PIK3CB: variants seen among roughly 807,000 people sequenced by gnomAD.
The protein encoded by PIK3CB is phosphatidylinositol-4,5-bisphosphate 3-kinase catalytic subunit beta, also known as phosphatidylinositol 4,5-bisphosphate 3-kinase catalytic subunit beta isoform.
A neutral mutation model predicts 136.8 loss-of-function variants in PIK3CB; 39 were observed. The ratio of observed to expected loss-of-function variants is 0.29; its 90% confidence interval spans 0.22 to 0.37. PIK3CB has a LOEUF of 0.37. Among genes scored for constraint, PIK3CB ranks in the 10% least tolerant of loss-of-function variants. The pLI is 1.00. For synonymous variants in PIK3CB, 428 were observed against 436.6 expected, an observed-to-expected ratio of 0.98 and a Z score of 0.25; for missense variants, 868 against 1,275.4, an observed-to-expected ratio of 0.68 and a Z score of 4.87.
chr3:138,691,089 C>T lies in PIK3CB; in HGVS notation c.1947G>A (p.Glu649=). 1.2e-6 allele frequency: 2 copies of T among 1,612,556 alleles called. No homozygotes were observed. The highest frequency in any genetic ancestry group is 8.5e-7 in the Non-Finnish European group (1 of 1,178,674). Residue 649 remains glutamate, a synonymous_variant, in exon 15 of 24, where the codon GAG becomes GAA. Coordinates refer to ENST00000674063, the MANE Select transcript of PIK3CB (RefSeq NM_006219.3). ...TAGAGAGGGCACAATCAAGAAAAGG[C>T]TCATATTTTAACACTTGCACCAGTT... ...LLQLVQVLKY[E]PFLDCALSRF...
In PIK3CB at chr3:138,737,814, A is replaced by C. The variant is rs752429585; in HGVS notation, c.694T>G (p.Leu232Val). The C allele has an allele frequency of 7.6e-5, 122 of 1,609,590 alleles. No individual in the cohort carries two copies. Among genetic ancestry groups the C allele is most frequent in the Non-Finnish European group, 1.0e-4 (118 of 1,177,466 alleles). Reference sequence around the variant, plus strand: ...TCATCTTCCTTCCCATGAATAGTCAAACGTTTTTGGATTGCCAATTCATTT... The same window carrying C: ...TCATCTTCCTTCCCATGAATAGTCACACGTTTTTGGATTGCCAATTCATTT... ...KVNELAIQKR[L>V]TIHGKEDEVS... Residue 232 changes from leucine to valine, a missense_variant, in exon 6 of 24, where the codon TTG becomes GTG. By Grantham distance (32) the Leu-to-Val change is conservative. Coordinates refer to ENST00000674063, the MANE Select transcript of PIK3CB (RefSeq NM_006219.3).
chr3:138,803,763 G>C (rs2046201568), intron 1 of PIK3CB, among the ~76,000 whole-genome samples: 1 of 151,960 alleles, frequency 6.6e-6, no homozygotes, highest in Non-Finnish European at 1.5e-5. Context: ...TCCTTCTCTG[G>C]GCCTCCATTC....
chr3:138,757,696 G>A (rs1025562991), intron 3 of PIK3CB, among the ~76,000 whole-genome samples: 3 of 135,640 alleles, frequency 2.2e-5, no homozygotes, highest in South Asian at 5.0e-4. Flanking sequence ...GAGGGAGGAA[G>A]AGAGGGAGGG....
intron 5 of PIK3CB, among the ~76,000 whole-genome samples, chr3:138,739,380 T>C (rs2108659655): frequency 6.6e-6 from 1 of 151,660 alleles, no homozygotes; most frequent in East Asian, 1.9e-4. Flanking sequence ...GAGTCGGAGG[T>C]TGTAGTGAGC....
chr3:138,665,608 G>C (rs907039064), intron 19 of PIK3CB, among the ~76,000 whole-genome samples: 1 of 152,192 alleles, frequency 6.6e-6, no homozygotes, highest in Non-Finnish European at 1.5e-5. Context: ...TTGGTTAAGG[G>C]AAACTCCGTC....
rs2044567919 is a variant in PIK3CB at position 138,714,462 on chromosome 3, C to T, written c.1302+6G>A. ...AAACAATCCTCAGAAGTTGGTATAT[C>T]ATTACCACTTTTCCAGCTTTCCTGA... On this transcript the variant is annotated splice_donor_region_variant and intron_variant, in intron 9 of 23. Coordinates refer to ENST00000674063, the MANE Select transcript of PIK3CB (RefSeq NM_006219.3). 11 of 1,590,882 alleles carry T rather than the reference C, an allele frequency of 6.9e-6. No individual in the cohort carries two copies. Among genetic ancestry groups the T allele is most frequent in the Non-Finnish European group, 9.5e-6 (11 of 1,162,798 alleles).
intron 2 of PIK3CB, among the ~76,000 whole-genome samples, chr3:138,774,411 A>T (rs1282745518): frequency 6.6e-6 from 1 of 152,228 alleles, no homozygotes; most frequent in Non-Finnish European, 1.5e-5. Flanking sequence ...TGCACCTATC[A>T]TTCAAGTATA....
chr3:138,666,083 T>C (rs1381597965), intron 19 of PIK3CB, among the ~76,000 whole-genome samples: 1 of 152,234 alleles, frequency 6.6e-6, no homozygotes, highest in Non-Finnish European at 1.5e-5. Context: ...AGATTATCAA[T>C]TAAATGTTTT....
intron 1 of PIK3CB, among the ~76,000 whole-genome samples, chr3:138,834,178 T>C (rs181809318): frequency 8.7e-4 from 133 of 152,380 alleles, no homozygotes; most frequent in African/African-American, 3.1e-3. Flanking sequence ...ATTATTTCCA[T>C]TTAACACATC....
rs542270814 is a variant in PIK3CB at position 138,669,699 on chromosome 3, A to G, written c.2505-4496T>C. 8.5e-5 allele frequency among the ~76,000 whole-genome samples: 13 copies of G among 152,300 alleles called. No homozygotes were observed. In the South Asian group the frequency reaches 2.7e-3, roughly 32 times the overall value. On this transcript the variant is annotated intron_variant, in intron 19 of 23. Transcript: ENST00000674063. ...CTGACATGAAAGGTATCAAAAGAGT[A>G]TTTTGGAACGTCATAGAAAAATGAA...
chr3:138,808,535 G>T (rs1430787639), intron 1 of PIK3CB, among the ~76,000 whole-genome samples: 4 of 151,938 alleles, frequency 2.6e-5, no homozygotes, highest in African/African-American at 9.7e-5. Flanking sequence ...AAAATACAGA[G>T]CCAGGTGTGG....
chr3:138,826,222 G>C, intron 1 of PIK3CB: 1 of 1,466,082 alleles, frequency 6.8e-7, no homozygotes, highest in Non-Finnish European at 9.4e-7. Context: ...TTTGCTGCTC[G>C]TGATATGAAA....
chr3:138,817,357 CA>C (rs140714543), intron 1 of PIK3CB, among the ~76,000 whole-genome samples: 10 of 145,170 alleles, frequency 6.9e-5, no homozygotes, highest in Admixed American at 4.8e-4. Flanking sequence ...AAAACAAAAA[CA>C]AAAAAAAATT....
intron 1 of PIK3CB, among the ~76,000 whole-genome samples, chr3:138,800,908 G>A (rs1287289579): frequency 2.6e-5 from 4 of 152,178 alleles, no homozygotes; most frequent in Admixed American, 6.5e-5. Context: ...TTATAGGCGT[G>A]AGCCACCGTG....
chr3:138,822,039 T>C (rs1322449386), intron 1 of PIK3CB, among the ~76,000 whole-genome samples: 1 of 151,770 alleles, frequency 6.6e-6, no homozygotes, highest in Non-Finnish European at 1.5e-5. Context: ...TAATCCCAGA[T>C]ACTGGGGAGG....
At chr3:138,783,702 T>C (rs956494239) in intron 2 of PIK3CB, among the ~76,000 whole-genome samples, 3 of 151,712 alleles carry the variant, frequency 2.0e-5, no homozygotes, top group Non-Finnish European at 4.4e-5. Flanking sequence ...ACAAGCAGAG[T>C]ACAGGGGCAG....
intron 19 of PIK3CB, among the ~76,000 whole-genome samples, chr3:138,677,938 C>G (rs1198918664): frequency 6.6e-6 from 1 of 151,974 alleles, no homozygotes; most frequent in Non-Finnish European, 1.5e-5. Flanking sequence ...AGTTTAAAAA[C>G]TTAAGAATAT....
intron 10 of PIK3CB, 97 bp from the exon 11 acceptor site, chr3:138,707,386 A>C (rs1205364383): frequency 1.4e-6 from 2 of 1,447,944 alleles, no homozygotes; most frequent in East Asian, 5.0e-5. Flanking sequence ...ATCACCTTAG[A>C]AGTATGTCAA....
intron 11 of PIK3CB, among the ~76,000 whole-genome samples, 191 bp downstream of exon 11, chr3:138,706,968 T>C (rs952901428): frequency 6.6e-6 from 1 of 152,168 alleles, no homozygotes; most frequent in African/African-American, 2.4e-5. Flanking sequence ...GAGGTACCTT[T>C]TCTTACTTAG....
Sources: allele counts gnomAD v4.1 joint callset (sites outside exome capture counted in the v4.1 genomes callset), GRCh38; gene constraint gnomAD v4.1.1; transcripts MANE v1.5; gene names NCBI Gene and HGNC (gene_info 2026-07-23, HGNC 2026-07-21).